The following TOP2B variants were observed in gnomAD, a reference collection of about 807,000 sequenced individuals.
TOP2B encodes the protein DNA topoisomerase II beta.
A neutral mutation model predicts 193.5 loss-of-function variants in TOP2B; 51 were observed. That is an observed-to-expected ratio of 0.26 (90% CI 0.21 to 0.33). The LOEUF (loss-of-function observed/expected upper bound fraction) is 0.33, where lower values mean the gene tolerates loss of function less well. Among genes scored for constraint, TOP2B ranks in the 10% least tolerant of loss-of-function variants. TOP2B has a pLI of 1.00. For missense variants in TOP2B, 1,378 were observed against 1,909.3 expected (o/e 0.72, Z 5.19); for synonymous variants, 634 against 635.7 (o/e 1.00, Z 0.04).
chr3:25,611,843 T>A (rs1702380034), intron 28 of TOP2B, among the ~76,000 whole-genome samples: 1 of 152,238 alleles, frequency 6.6e-6, no homozygotes, highest in Non-Finnish European at 1.5e-5. Context: ...TGGATTATGA[T>A]GTAGCACTAA....
intron 1 of TOP2B, among the ~76,000 whole-genome samples, chr3:25,651,185 AG>A (rs2125403604): frequency 1.3e-5 from 2 of 152,308 alleles, no homozygotes; most frequent in South Asian, 4.1e-4. Context: ...AATATAGTAT[AG>A]AATTTTTTAA....
chr3:25,643,632 T>C, intron 3 of TOP2B, 62 bp downstream of exon 3: 6 of 1,264,926 alleles, frequency 4.7e-6, no homozygotes, highest in East Asian at 2.3e-5. Context: ...TGGCTTTATA[T>C]ATAAAAGGAC....
chr3:25,656,727 C>A (rs1284971225), intron 1 of TOP2B, among the ~76,000 whole-genome samples: 1 of 151,988 alleles, frequency 6.6e-6, no homozygotes, highest in East Asian at 1.9e-4. Flanking sequence ...TATATGCATG[C>A]ATAGGAAAAA....
In TOP2B at chr3:25,598,370, T is replaced by A. The variant is rs1701984029; in HGVS notation, c.4818A>T (p.Glu1606Asp). 1 of 1,613,454 alleles carries A rather than the reference T, an allele frequency of 6.2e-7. No homozygotes were observed. Among genetic ancestry groups the A allele is most frequent in the Non-Finnish European group, 8.5e-7 (1 of 1,179,560 alleles). The change falls in exon 36 of 36, where the codon GAA becomes GAT. Residue 1606 changes from glutamate (E) to aspartate (D), a missense_variant. By Grantham distance (45) the Glu-to-Asp change is conservative (BLOSUM62 2). Coordinates refer to ENST00000264331, the MANE Select transcript of TOP2B (RefSeq NM_001330700.2). ...CATCAGACTCTGCAAAATATTTTAC[T>A]TCTTTCCTAGCCCGACCGGTTCGTG... ...SLPRTGRARK[E>D]VKYFAESDEE...
Position 25,632,462 on chromosome 3 carries a change from T to C in TOP2B, c.1250A>G (p.Glu417Gly), listed in dbSNP as rs1702989232. ...KSFGSKCQLS[E>G]KFFKAASNCG... is the part of the protein sequence containing the mutation. ...TTTACTCACTGCTTTAAAAAATTTTTCTGACAGCTGGCATTTAGACCCAAA... is the reference window on the plus strand; with the variant it reads ...TTTACTCACTGCTTTAAAAAATTTTCCTGACAGCTGGCATTTAGACCCAAA... The change falls in exon 10 of 36, where the codon GAA becomes GGA. Residue 417 changes from glutamate (E) to glycine (G), a missense_variant. Physicochemically the swap from Glu to Gly is moderately conservative, Grantham distance 98. Coordinates refer to ENST00000264331, the MANE Select transcript of TOP2B (RefSeq NM_001330700.2). The C allele has an allele frequency of 2.6e-6, 4 of 1,568,388 alleles. No individual in the cohort carries two copies. Among genetic ancestry groups the C allele is most frequent in the Non-Finnish European group, 3.5e-6 (4 of 1,157,872 alleles).
intron 28 of TOP2B, among the ~76,000 whole-genome samples, chr3:25,609,924 C>G (rs1167632341): frequency 6.6e-6 from 1 of 152,114 alleles, no homozygotes; most frequent in Non-Finnish European, 1.5e-5. Context: ...TTTTCCAGTA[C>G]ATTCAGTGAA....
At chr3:25,606,872 A>G (rs1702248435) in intron 31 of TOP2B, among the ~76,000 whole-genome samples, 1 of 152,158 alleles carries the variant, frequency 6.6e-6, no homozygotes, top group Non-Finnish European at 1.5e-5. Flanking sequence ...ATTTATTTAC[A>G]TATCATTTGT....
chr3:25,639,685 T>C (rs956046451), intron 4 of TOP2B, among the ~76,000 whole-genome samples: 1 of 152,226 alleles, frequency 6.6e-6, no homozygotes, highest in Non-Finnish European at 1.5e-5. Flanking sequence ...TAATAAGTGT[T>C]AAGCTCCCTT....
intron 32 of TOP2B, 81 bp downstream of exon 32, chr3:25,605,962 A>T (rs1294690162): frequency 1.3e-6 from 1 of 749,408 alleles, no homozygotes; most frequent in Non-Finnish European, 1.9e-6. Context: ...TTAAATCATG[A>T]CCTAACGATT....
chr3:25,623,885 TTAA>T (rs1381671883), intron 20 of TOP2B, 139 bp from the exon 21 acceptor site: 4 of 647,546 alleles, frequency 6.2e-6, no homozygotes, highest in South Asian at 2.1e-5. Context: ...TTACATCCGC[TTAA>T]TAATAAAATT....
chr3:25,637,305 A>T lies in TOP2B; in HGVS notation c.549T>A (p.Arg183=). The stretch of plus-strand genomic sequence containing the variant: ...TACAAAGTTTTGCACCATAACCATT[A>T]CGACCACCTGTAAGAAAAATTAAAT... The part of the protein sequence containing the change: ...DDDEKKVTGG[R]NGYGAKLCNI... Residue 183 remains arginine, a synonymous_variant, in exon 6 of 36, where the codon CGT becomes CGA. Coordinates refer to ENST00000264331, the MANE Select transcript of TOP2B (RefSeq NM_001330700.2). 6.4e-7 allele frequency: 1 copy of T among 1,551,778 alleles called. No homozygotes were observed. The highest frequency in any genetic ancestry group is 8.7e-7 in the Non-Finnish European group (1 of 1,146,902).
Position 25,643,547 on chromosome 3 carries a change from AATTTTCTGAAGATC to A in TOP2B, c.331+133_331+146del. 4 of 597,684 alleles carry A rather than the reference AATTTTCTGAAGATC, an allele frequency of 6.7e-6. 1 individual carries two copies. In the South Asian group the frequency reaches 9.4e-5, roughly 14 times the overall value. The allele number at this position is 597,684 out of a possible 1,614,324, so 37.0% of individuals were successfully genotyped here. A position where few individuals can be genotyped will look rare whatever the true frequency, so the allele number is the denominator to read the frequency against. ...TGAAAACATTACAGATCATGGTATA[AATTTTCTGAAGATC>A]ATTTATATTCAGAAGGATAAAAGCC... On this transcript the variant is annotated intron_variant, in intron 3 of 35. Transcript: ENST00000264331.
Position 25,598,474 on chromosome 3 carries a change from G to A in TOP2B, c.4714C>T (p.Pro1572Ser). The change falls in exon 36 of 36, where the codon CCG becomes TCG. Residue 1572 changes from proline (P) to serine (S), a missense_variant. Transcript: ENST00000264331. Reference protein sequence around the residue: ...RKTSKTTSKKPKKTSFDQDSD... With the variant: ...RKTSKTTSKKSKKTSFDQDSD... ...TCCTGATCAAAAGATGTCTTCTTCGGTTTCTAGATTTTTTTTCAATAGATT... is the reference window on the plus strand; with the variant it reads ...TCCTGATCAAAAGATGTCTTCTTCGATTTCTAGATTTTTTTTCAATAGATT... 2 of 1,555,046 alleles carry A rather than the reference G, an allele frequency of 1.3e-6. No homozygotes were observed. The highest frequency in any genetic ancestry group is 4.6e-5 in the East Asian group (2 of 43,870).
chr3:25,652,554 A>G (rs1225813132), intron 1 of TOP2B, among the ~76,000 whole-genome samples: 3 of 152,234 alleles, frequency 2.0e-5, no homozygotes, highest in African/African-American at 7.2e-5. Context: ...GTGGAAGTTA[A>G]ACAACTCACT....
At chr3:25,644,112 T>C (rs1032471788) in intron 2 of TOP2B, among the ~76,000 whole-genome samples, 6 of 152,088 alleles carry the variant, frequency 3.9e-5, no homozygotes, top group Non-Finnish European at 8.8e-5. Context: ...TTTTTTTTTT[T>C]TTTATAATAC....
At chr3:25,661,797 T>G (rs1309151399) in intron 1 of TOP2B, among the ~76,000 whole-genome samples, 2 of 152,206 alleles carry the variant, frequency 1.3e-5, no homozygotes, top group Non-Finnish European at 2.9e-5. Context: ...TGCAATGACA[T>G]TAACAACACA....
chr3:25,607,986 T>A (rs2125349681), intron 30 of TOP2B, among the ~76,000 whole-genome samples: 1 of 152,230 alleles, frequency 6.6e-6, no homozygotes, highest in African/African-American at 2.4e-5. Context: ...GGTCTTGCCA[T>A]GTTACCCAGG....
intron 1 of TOP2B, among the ~76,000 whole-genome samples, chr3:25,658,977 T>C (rs1703830791): frequency 6.6e-6 from 1 of 152,162 alleles, no homozygotes; most frequent in Non-Finnish European, 1.5e-5. Context: ...GGTTTGCCAG[T>C]TGGTACTAAA....
chr3:25,630,484 A>G lies in TOP2B; in HGVS notation c.1406-15T>C, dbSNP rs2125377968. On this transcript the variant is annotated splice_polypyrimidine_tract_variant and intron_variant, in intron 11 of 35. Coordinates refer to ENST00000264331, the MANE Select transcript of TOP2B (RefSeq NM_001330700.2). ...ATGTTTACCACCTGAGAGAAATTTA[A>G]AATTATACATAGTAAAAATTTCTCA... The G allele has an allele frequency of 6.6e-6, 10 of 1,517,948 alleles. No homozygotes were observed. The highest frequency in any genetic ancestry group is 1.7e-4 in the Middle Eastern group (1 of 5,828). 94.0% of individuals were successfully genotyped at this position (1,517,948 alleles called of 1,614,324 possible).
Sources: allele counts gnomAD v4.1 joint callset (sites outside exome capture counted in the v4.1 genomes callset), GRCh38; gene constraint gnomAD v4.1.1; transcripts MANE v1.5; gene names NCBI Gene and HGNC (gene_info 2026-07-23, HGNC 2026-07-21).